NGF: variants seen among roughly 807,000 people sequenced by gnomAD.
The protein encoded by NGF is beta-nerve growth factor.
NGF carries 4 observed loss-of-function variants against 12.8 expected under a neutral mutation model. The observed-to-expected ratio is 0.31, with a 90% CI of 0.15 to 0.72. The LOEUF is 0.72. NGF is among the 30% of genes least tolerant of loss of function. The pLI, the probability that NGF is intolerant of heterozygous loss-of-function variation, is 0.69. For synonymous variants in NGF, 140 were observed against 130.0 expected (o/e 1.08, Z -0.52); for missense variants, 283 against 330.8 (o/e 0.86, Z 1.12).
intron 1 of NGF, among the ~76,000 whole-genome samples, chr1:115,311,696 T>C (rs559843242): frequency 2.0e-5 from 3 of 152,268 alleles, no homozygotes; most frequent in Non-Finnish European, 4.4e-5. Context: ...TTCACTTCCT[T>C]GTTTACTTAC....
chr1:115,320,258 T>C (rs534877026), intron 1 of NGF, among the ~76,000 whole-genome samples: 19 of 152,328 alleles, frequency 1.2e-4, no homozygotes, highest in Non-Finnish European at 2.2e-4. Context: ...AAATCCTATA[T>C]ACACTATGTT....
At chr1:115,311,556 G>A (rs961096198) in intron 1 of NGF, among the ~76,000 whole-genome samples, 2 of 152,180 alleles carry the variant, frequency 1.3e-5, no homozygotes, top group South Asian at 4.1e-4. Flanking sequence ...TAAGGATGAT[G>A]CACACTTGCT....
At chr1:115,296,767 GT>G (rs1387409266) in intron 1 of NGF, among the ~76,000 whole-genome samples, 1 of 152,162 alleles carries the variant, frequency 6.6e-6, no homozygotes, top group African/African-American at 2.4e-5. Flanking sequence ...TGTTGTCATT[GT>G]TTTTAGTCTC....
intron 2 of NGF, among the ~76,000 whole-genome samples, chr1:115,292,850 G>A (rs548450000): frequency 2.6e-5 from 4 of 151,976 alleles, no homozygotes; most frequent in Middle Eastern, 3.4e-3. Flanking sequence ...TCTGGGCACC[G>A]TGTAGACTTG....
chr1:115,318,370 G>T (rs768295882), intron 1 of NGF, among the ~76,000 whole-genome samples: 1 of 152,102 alleles, frequency 6.6e-6, no homozygotes, highest in Non-Finnish European at 1.5e-5. Flanking sequence ...CACTGTCTGG[G>T]CCAGGACCCT....
chr1:115,335,951 C>T (rs1158435332), intron 1 of NGF, among the ~76,000 whole-genome samples: 3 of 152,118 alleles, frequency 2.0e-5, no homozygotes, highest in Non-Finnish European at 4.4e-5. Flanking sequence ...AGAAACTTCC[C>T]TCGGGCTCCA....
chr1:115,326,624 A>G (rs1275354723), intron 1 of NGF, among the ~76,000 whole-genome samples: 2 of 152,158 alleles, frequency 1.3e-5, no homozygotes, highest in East Asian at 1.9e-4. Flanking sequence ...ACAGACCTCC[A>G]TTCTGACCAT....
chr1:115,304,166 C>T (rs549058807), intron 1 of NGF, among the ~76,000 whole-genome samples: 29 of 151,764 alleles, frequency 1.9e-4, no homozygotes, highest in African/African-American at 6.8e-4. Flanking sequence ...GGTGCACATA[C>T]ACACACAAGT....
intron 1 of NGF, among the ~76,000 whole-genome samples, chr1:115,318,858 G>A (rs1654542606): frequency 6.6e-6 from 1 of 152,198 alleles, no homozygotes; most frequent in African/African-American, 2.4e-5. Context: ...GCCATCAATA[G>A]CTGGCAATGC....
chr1:115,334,116 G>A (rs781694435), intron 1 of NGF, among the ~76,000 whole-genome samples: 17 of 152,054 alleles, frequency 1.1e-4, no homozygotes, highest in Non-Finnish European at 1.8e-4. Context: ...ACCATCCCTC[G>A]AGTGTAGTGT....
intron 1 of NGF, among the ~76,000 whole-genome samples, chr1:115,308,221 T>C (rs1251106111): frequency 6.6e-6 from 1 of 152,230 alleles, no homozygotes; most frequent in African/African-American, 2.4e-5. Context: ...CTCAGGGATG[T>C]GCTTCCACTA....
At chr1:115,332,864 G>A (rs1654960862) in intron 1 of NGF, among the ~76,000 whole-genome samples, 1 of 152,104 alleles carries the variant, frequency 6.6e-6, no homozygotes, top group Admixed American at 6.6e-5. Flanking sequence ...TCCAAAGGGA[G>A]CCTGTCCCAC....
chr1:115,286,982 C>T lies in NGF; in HGVS notation c.-12-175G>A, dbSNP rs148073480. ...GCAATGGTTATACCGGGACAACAGG[C>T]GTAACCCGGGGCTGACTCAGGCAGT... On this transcript the variant is annotated intron_variant, in intron 2 of 2. Coordinates refer to ENST00000369512, the MANE Select transcript of NGF (RefSeq NM_002506.3). 3.9e-5 allele frequency among the ~76,000 whole-genome samples: 6 copies of T among 152,216 alleles called. No individual in the cohort carries two copies. In the East Asian group the frequency reaches 5.8e-4, roughly 15 times the overall value.
At chr1:115,331,148 C>A (rs1003941099) in intron 1 of NGF, among the ~76,000 whole-genome samples, 5 of 152,222 alleles carry the variant, frequency 3.3e-5, no homozygotes, top group Non-Finnish European at 7.3e-5. Context: ...ATATTCCAGA[C>A]TCTGAGGTAA....
intron 1 of NGF, among the ~76,000 whole-genome samples, chr1:115,320,207 C>T (rs1654579081): frequency 6.6e-6 from 1 of 152,104 alleles, no homozygotes; most frequent in African/African-American, 2.4e-5. Flanking sequence ...GCTCTTTACC[C>T]ACAGGGGATA....
At chr1:115,290,268 G>A (rs1354118880) in intron 2 of NGF, among the ~76,000 whole-genome samples, 3 of 151,956 alleles carry the variant, frequency 2.0e-5, no homozygotes, top group Non-Finnish European at 2.9e-5. Context: ...TACCCTCTCA[G>A]GGCCTTTTCT....
At chr1:115,322,388 T>C (rs1199781481) in intron 1 of NGF, among the ~76,000 whole-genome samples, 1 of 152,178 alleles carries the variant, frequency 6.6e-6, no homozygotes, top group Non-Finnish European at 1.5e-5. Context: ...GTGCATAGCA[T>C]GACATTGCCT....
intron 1 of NGF, among the ~76,000 whole-genome samples, chr1:115,312,858 A>G (rs1329547454): frequency 6.6e-6 from 1 of 152,218 alleles, no homozygotes; most frequent in East Asian, 1.9e-4. Context: ...GTTGGATTAG[A>G]AACAGCTTTC....
intron 1 of NGF, among the ~76,000 whole-genome samples, chr1:115,297,540 A>T (rs918510665): frequency 6.6e-6 from 1 of 152,184 alleles, no homozygotes. Context: ...ATTTTGATCA[A>T]TTTCAGCCAT....
Sources: gnomAD v4.1 joint callset for allele counts (sites outside exome capture counted in the v4.1 genomes callset) on GRCh38, gnomAD v4.1.1 for gene constraint, MANE v1.5 for transcripts, NCBI Gene and HGNC (gene_info 2026-07-23, HGNC 2026-07-21) for gene names.